ASH1L: variants seen among roughly 807,000 people sequenced by gnomAD.
ASH1L encodes histone-lysine N-methyltransferase ASH1L.
A neutral mutation model predicts 269.0 loss-of-function variants in ASH1L; 23 were observed. The observed-to-expected ratio is 0.09, with a 90% confidence interval of 0.06 to 0.12. The LOEUF is 0.12. Among genes scored for constraint, ASH1L ranks in the 10% least tolerant of loss-of-function variants. ASH1L has a pLI of 1.00. For synonymous variants in ASH1L, 1,187 were observed against 1,253.5 expected (o/e 0.95, Z 1.12); for missense variants, 2,912 against 3,567.8 (o/e 0.82, Z 4.68).
Position 155,352,792 on chromosome 1 carries a change from G to C in ASH1L, c.7280C>G (p.Ala2427Gly), listed in dbSNP as rs1345531964. The C allele has an allele frequency of 6.2e-7, 1 of 1,614,174 alleles. No individual in the cohort carries two copies. Among genetic ancestry groups the C allele is most frequent in the East Asian group, 2.2e-5 (1 of 44,890 alleles). The change falls in exon 17 of 28, where the codon GCT becomes GGT. Residue 2427 changes from alanine (A) to glycine (G), a missense_variant. Coordinates refer to ENST00000392403, the MANE Select transcript of ASH1L (RefSeq NM_018489.3). Reference sequence around the variant, plus strand: ...AGCCACTTCAATATTTTCCTCTGCAGCTGCCAACCGTCTTGTTCGAACAGA... The same window carrying C: ...AGCCACTTCAATATTTTCCTCTGCACCTGCCAACCGTCTTGTTCGAACAGA... ...ARSVRTRRLA[A>G]AEENIEVARA...
At chr1:155,395,629 C>G in intron 6 of ASH1L, 76 bp from the exon 7 acceptor site, 1 of 1,003,716 alleles carries the variant, frequency 1.0e-6, no homozygotes, top group Non-Finnish European at 1.5e-6. Flanking sequence ...GATAACAGAT[C>G]ATCCTATGAG....
At chr1:155,491,825 A>C (rs1245091055) in intron 2 of ASH1L, among the ~76,000 whole-genome samples, 1 of 151,480 alleles carries the variant, frequency 6.6e-6, no homozygotes, top group East Asian at 1.9e-4. Flanking sequence ...GGGACCCACC[A>C]CCACGTCTGG....
At chr1:155,497,051 G>C (rs1436660994) in intron 2 of ASH1L, among the ~76,000 whole-genome samples, 1 of 152,050 alleles carries the variant, frequency 6.6e-6, no homozygotes, top group East Asian at 1.9e-4. Context: ...TAATAAGCCT[G>C]ATTTCTAGTT....
At chr1:155,457,878 T>C (rs1663982136) in intron 4 of ASH1L, among the ~76,000 whole-genome samples, 1 of 152,340 alleles carries the variant, frequency 6.6e-6, no homozygotes, top group Non-Finnish European at 1.5e-5. Flanking sequence ...CAAAATCTCA[T>C]TCATTTGTTC....
intron 1 of ASH1L, among the ~76,000 whole-genome samples, chr1:155,559,570 CATATTTTTTT>C (rs1329425547): frequency 6.9e-6 from 1 of 145,528 alleles, no homozygotes; most frequent in Non-Finnish European, 1.5e-5. Flanking sequence ...TGATACAAAA[CATATTTTTTT>C]AAAGTACAAA....
rs1652240804 is a variant in ASH1L, at chr1:155,335,575, A to G, written c.*2085T>C. ...GGGGGGTTCTTTTTATTTCGTTATT[A>G]TAAAATAACTGAAAAATAAAAAAAG... On this transcript the variant is annotated 3_prime_UTR_variant, in exon 28 of 28. Transcript: ENST00000392403. 6.5e-6 allele frequency: 1 copy of G among 152,714 alleles called. No homozygotes were observed. Among genetic ancestry groups the G allele is most frequent in the African/African-American group, 2.4e-5 (1 of 41,430 alleles). The allele number at this position is 152,714 out of a possible 1,614,324, so 9.5% of individuals were successfully genotyped here.
chr1:155,338,122 G>A lies in ASH1L; in HGVS notation c.8770C>T (p.Leu2924Phe). 1.2e-6 allele frequency: 2 copies of A among 1,614,010 alleles called. No homozygotes were observed. Among genetic ancestry groups the A allele is most frequent in the Non-Finnish European group, 1.7e-6 (2 of 1,179,936 alleles). Reference protein sequence around the residue: ...NQRERLNQILLNLLEKIPGKN... With the variant: ...NQRERLNQILFNLLEKIPGKN... The stretch of plus-strand genomic sequence containing the variant: ...CCAGGGATTTTTTCAAGGAGATTGA[G>A]CAAGATCTGGTTGAGTCGTTCCCGT... Residue 2924 changes from leucine to phenylalanine, a missense_variant, in exon 27 of 28, where the codon CTC becomes TTC. By Grantham distance (22) the Leu-to-Phe change is conservative (BLOSUM62 0). Coordinates refer to ENST00000392403, the MANE Select transcript of ASH1L (RefSeq NM_018489.3).
rs1002787644 is a variant in ASH1L at position 155,478,734 on chromosome 1, T to C, written c.4136A>G (p.Tyr1379Cys). ...LSFPLSSTGF[Y>C]PSYGMPYSPS... is the part of the protein sequence containing the mutation. Reference sequence around the variant, plus strand: ...AGAGTAAGGCATACCATAAGATGGATAGAATCCAGTACTAGAAAGAGGAAA... The same window carrying C: ...AGAGTAAGGCATACCATAAGATGGACAGAATCCAGTACTAGAAAGAGGAAA... The change falls in exon 3 of 28, where the codon TAT (tyrosine) becomes TGT (cysteine). Residue 1379 changes from tyrosine to cysteine, a missense_variant. Tyr to Cys is a radical substitution (Grantham distance 194). Transcript: ENST00000392403. The surrounding 1 kb of genome is among the most constrained non-coding windows in gnomAD (Gnocchi z 4.6). 3.1e-6 allele frequency: 5 copies of C among 1,614,048 alleles called. No homozygotes were observed. The highest frequency in any genetic ancestry group is 1.1e-5 in the South Asian group (1 of 91,078).
At chr1:155,544,271 C>T (rs545097962) in intron 1 of ASH1L, among the ~76,000 whole-genome samples, 1 of 151,666 alleles carries the variant, frequency 6.6e-6, no homozygotes, top group Non-Finnish European at 1.5e-5. Context: ...ATTTCTATAA[C>T]CTATGGTGGA....
intron 17 of ASH1L, among the ~76,000 whole-genome samples, chr1:155,351,982 T>C (rs1653971704): frequency 6.6e-6 from 1 of 152,150 alleles, no homozygotes; most frequent in South Asian, 2.1e-4. Context: ...TGTAATTGAT[T>C]TTTCCTGTAA....
intron 1 of ASH1L, among the ~76,000 whole-genome samples, chr1:155,542,548 CAAATAAAT>C (rs900599620): frequency 6.6e-6 from 1 of 151,452 alleles, no homozygotes; most frequent in African/African-American, 2.4e-5. Context: ...GACTCTGTCT[CAAATAAAT>C]AAATAAATAA....
In ASH1L at chr1:155,431,129, A is replaced by T. The variant is rs112158100; in HGVS notation, c.5828+7198T>A. Among the ~76,000 whole-genome samples, 775 of 152,114 alleles carry T rather than the reference A, an allele frequency of 5.1e-3. 5 individuals are homozygous for T. Among genetic ancestry groups the T allele is most frequent in the African/African-American group, 0.018 (750 of 41,502 alleles). On this transcript the variant is annotated intron_variant, in intron 5 of 27. Transcript: ENST00000392403. ...CAGAGGCTGAGGCAGGAAAATCGCT[A>T]GAACCCAAGAGGTGGAGGTTGCAGT...
chr1:155,482,160 G>A lies in ASH1L; in HGVS notation c.710C>T (p.Pro237Leu), dbSNP rs1208857933. Residue 237 changes from proline to leucine, a missense_variant, in exon 3 of 28, where the codon CCG becomes CTG. Physicochemically the swap from Pro to Leu is moderately conservative, Grantham distance 98. Coordinates refer to ENST00000392403, the MANE Select transcript of ASH1L (RefSeq NM_018489.3). ...CPPSKSSKTKPKKLGTGTTAG... is the reference protein window; with the variant it reads ...CPPSKSSKTKLKKLGTGTTAG... ...TGTAGTGCCAGTTCCTAACTTCTTC[G>A]GTTTTGTCTTGGAAGACTTGGAAGG... 2.5e-6 allele frequency: 4 copies of A among 1,613,976 alleles called. No individual in the cohort carries two copies. The highest frequency in any genetic ancestry group is 1.3e-5 in the African/African-American group (1 of 74,888).
chr1:155,498,858 A>C (rs927018272), intron 2 of ASH1L, among the ~76,000 whole-genome samples: 2 of 151,916 alleles, frequency 1.3e-5, no homozygotes, highest in African/African-American at 2.4e-5. Flanking sequence ...TTTCAAGAAA[A>C]GTACGCTTCA....
intron 6 of ASH1L, 33 bp downstream of exon 6, chr1:155,415,711 A>C (rs1353172319): frequency 6.3e-7 from 1 of 1,587,114 alleles, no homozygotes; most frequent in Non-Finnish European, 8.6e-7. Flanking sequence ...GTGGAAGAAA[A>C]AGGGATGTTA....
intron 6 of ASH1L, among the ~76,000 whole-genome samples, chr1:155,404,893 T>G (rs1438712683): frequency 6.6e-6 from 1 of 151,034 alleles, no homozygotes; most frequent in Non-Finnish European, 1.5e-5. Context: ...CTGAGTGTGG[T>G]GGTGCGTGCC....
Position 155,396,978 on chromosome 1 carries a change from A to C in ASH1L, c.6009-1425T>G, listed in dbSNP as rs1453568150. 1.7e-4 allele frequency: 26 copies of C among 150,226 alleles called. 1 individual carries two copies. Among genetic ancestry groups the C allele is most frequent in the Non-Finnish European group, 3.1e-4 (21 of 67,634 alleles). The allele number at this position is 150,226 out of a possible 1,614,324, so 9.3% of individuals were successfully genotyped here. A position where few individuals can be genotyped will look rare whatever the true frequency, so the allele number is the denominator to read the frequency against. On this transcript the variant is annotated intron_variant, in intron 6 of 27. Transcript: ENST00000392403. ...CACCATCTCAAAAAAAAAAAAAAAA[A>C]GCTGGGTGTGGTAGTGCATGCCTTT...
At chr1:155,506,277 AT>A (rs1667810497) in intron 2 of ASH1L, among the ~76,000 whole-genome samples, 1 of 152,192 alleles carries the variant, frequency 6.6e-6, no homozygotes, top group East Asian at 1.9e-4. Flanking sequence ...TGTCATACCA[AT>A]TTTTTTCCAA....
At chr1:155,423,944 C>A (rs1313584220) in intron 5 of ASH1L, among the ~76,000 whole-genome samples, 1 of 152,116 alleles carries the variant, frequency 6.6e-6, no homozygotes, top group Non-Finnish European at 1.5e-5. Context: ...CCAGGCTGGT[C>A]TCGAACTCCT....
Sources: allele counts gnomAD v4.1 joint callset (sites outside exome capture counted in the v4.1 genomes callset), GRCh38; gene constraint gnomAD v4.1.1; non-coding constraint Gnocchi (gnomAD v3.1); transcripts MANE v1.5; gene names NCBI Gene and HGNC (gene_info 2026-07-23, HGNC 2026-07-21).